MIS18A: variants seen among roughly 807,000 people sequenced by gnomAD.
MIS18A encodes the protein protein Mis18-alpha.
A neutral mutation model predicts 25.0 loss-of-function variants in MIS18A; 14 were observed. The observed-to-expected ratio is 0.56, with a 90% CI of 0.37 to 0.88. MIS18A has a LOEUF of 0.88. Ranked by LOEUF, MIS18A falls within the 40% of genes least tolerant of loss-of-function variation. MIS18A has a pLI of 0.00. For synonymous variants in MIS18A, 134 were observed against 118.6 expected (o/e 1.13, Z -0.84); for missense variants, 292 against 290.8 (o/e 1.00, Z -0.03).
At chr21:32,235,918 C>T in the MIS18A span, among the ~76,000 whole-genome samples, 2 of 152,154 alleles carry the variant, frequency 1.3e-5, no homozygotes, top group African/African-American at 2.4e-5. Flanking sequence ...TTCTCCTTCC[C>T]TTTGAAGAGT....
At chr21:32,249,686 C>T in the MIS18A span, among the ~76,000 whole-genome samples, 1 of 152,114 alleles carries the variant, frequency 6.6e-6, no homozygotes, top group African/African-American at 2.4e-5. Context: ...GTCAGAACCT[C>T]AGGAAGCTTC....
chr21:32,179,478 C>A, the MIS18A span, among the ~76,000 whole-genome samples: 1 of 151,280 alleles, frequency 6.6e-6, no homozygotes, highest in Non-Finnish European at 1.5e-5. Flanking sequence ...CATATACACA[C>A]ATCTACACTC....
chr21:32,273,877 T>TA (rs1236428956), intron 2 of MIS18A, among the ~76,000 whole-genome samples: 2 of 152,238 alleles, frequency 1.3e-5, no homozygotes, highest in African/African-American at 4.8e-5. Context: ...AAGTGTAAGA[T>TA]ACAGTTTACA....
At chr21:32,221,428 G>T in the MIS18A span, among the ~76,000 whole-genome samples, 1 of 152,100 alleles carries the variant, frequency 6.6e-6, no homozygotes, top group African/African-American at 2.4e-5. Context: ...ACAAGCAAAT[G>T]CTGAGGGATT....
At chr21:32,245,509 G>A in the MIS18A span, among the ~76,000 whole-genome samples, 2 of 152,308 alleles carry the variant, frequency 1.3e-5, no homozygotes, top group South Asian at 4.2e-4. Context: ...CACCTTCCAG[G>A]AGGGAAGGCT....
At chr21:32,233,867 C>T in the MIS18A span, among the ~76,000 whole-genome samples, 13 of 152,214 alleles carry the variant, frequency 8.5e-5, no homozygotes, top group African/African-American at 3.1e-4. Context: ...TAAAGGGGAA[C>T]AGAAAGTAAA....
At chr21:32,213,269 TC>T in the MIS18A span, among the ~76,000 whole-genome samples, 1 of 152,152 alleles carries the variant, frequency 6.6e-6, no homozygotes, top group Non-Finnish European at 1.5e-5. Flanking sequence ...CAAATGTCCG[TC>T]ACTAAATGGC....
At chr21:32,167,951 C>T in the MIS18A span, among the ~76,000 whole-genome samples, 1 of 152,044 alleles carries the variant, frequency 6.6e-6, no homozygotes, top group Non-Finnish European at 1.5e-5. Flanking sequence ...ACGATTGTGT[C>T]CCCCCAAAAT....
At chr21:32,259,088 A>G in the MIS18A span, among the ~76,000 whole-genome samples, 3 of 151,994 alleles carry the variant, frequency 2.0e-5, no homozygotes, top group African/African-American at 7.3e-5. Context: ...CGCCCAGGCC[A>G]GTCTCGAACT....
At chr21:32,221,280 T>C in the MIS18A span, among the ~76,000 whole-genome samples, 2 of 152,226 alleles carry the variant, frequency 1.3e-5, no homozygotes, top group African/African-American at 4.8e-5. Flanking sequence ...ACAGGAGATC[T>C]CTCTAAAGAA....
chr21:32,243,164 G>A, the MIS18A span, among the ~76,000 whole-genome samples: 7 of 152,276 alleles, frequency 4.6e-5, no homozygotes, highest in African/African-American at 1.7e-4. Context: ...AGCAAACACA[G>A]GAGAAAATCT....
At chr21:32,267,574 A>G (rs1333297250), downstream of MIS18A, among the ~76,000 whole-genome samples, 1 of 152,258 alleles carries the variant, frequency 6.6e-6, no homozygotes, top group African/African-American at 2.4e-5. Context: ...TGAACAGGGT[A>G]TAAGGAATCG....
At chr21:32,189,170 G>C in the MIS18A span, among the ~76,000 whole-genome samples, 63 of 152,372 alleles carry the variant, frequency 4.1e-4, no homozygotes, top group African/African-American at 1.4e-3. Context: ...CATCAGAAGG[G>C]AGACAGGAAT....
At chr21:32,177,487 T>G in the MIS18A span, among the ~76,000 whole-genome samples, 1 of 152,100 alleles carries the variant, frequency 6.6e-6, no homozygotes, top group South Asian at 2.1e-4. Context: ...TATTGGAAAG[T>G]AAGAAATGAA....
the MIS18A span, among the ~76,000 whole-genome samples, chr21:32,187,075 G>T: frequency 3.9e-5 from 6 of 152,174 alleles, no homozygotes; most frequent in Admixed American, 3.9e-4. Context: ...CCTGACACCG[G>T]TGCAGCTGGG....
chr21:32,267,657 C>T (rs1200886125), downstream of MIS18A, among the ~76,000 whole-genome samples: 1 of 152,116 alleles, frequency 6.6e-6, no homozygotes, highest in Non-Finnish European at 1.5e-5. Context: ...ACCTGCACAA[C>T]CAGAGAGTCA....
At chr21:32,206,053 C>A in the MIS18A span, among the ~76,000 whole-genome samples, 3 of 152,176 alleles carry the variant, frequency 2.0e-5, no homozygotes, top group African/African-American at 7.2e-5. Context: ...AGTGGTCCCC[C>A]CATCCACTGT....
At chr21:32,171,237 A>G in the MIS18A span, among the ~76,000 whole-genome samples, 1 of 152,076 alleles carries the variant, frequency 6.6e-6, no homozygotes, top group Non-Finnish European at 1.5e-5. Context: ...AAAAGATCCT[A>G]ATGAATCTGC....
chr21:32,278,676 C>G lies in MIS18A; in HGVS notation c.334+5G>C, dbSNP rs2031866365. On this transcript the variant is annotated splice_donor_5th_base_variant and intron_variant, in intron 1 of 4. Coordinates refer to ENST00000290130, the MANE Select transcript of MIS18A (RefSeq NM_018944.3). ...GCCCCCCCTGCCCGGCTCGACCCAACTGACAGCGAAGCAGGATGCAGTTGG... is the reference window on the plus strand; with the variant it reads ...GCCCCCCCTGCCCGGCTCGACCCAAGTGACAGCGAAGCAGGATGCAGTTGG... 6.5e-7 allele frequency: 1 copy of G among 1,537,916 alleles called. No individual in the cohort carries two copies.
Sources: gnomAD v4.1 joint callset for allele counts (sites outside exome capture counted in the v4.1 genomes callset) on GRCh38, gnomAD v4.1.1 for gene constraint, MANE v1.5 for transcripts, NCBI Gene and HGNC (gene_info 2026-07-23, HGNC 2026-07-21) for gene names.